The following KLF5 variants were observed in gnomAD, a reference collection of about 807,000 sequenced individuals.
The protein encoded by KLF5 is KLF transcription factor 5.
KLF5 carries 9 observed loss-of-function variants against 36.9 expected under a neutral mutation model. The observed-to-expected ratio is 0.24, with a 90% CI of 0.15 to 0.43. KLF5 has a LOEUF of 0.43. Ranked by LOEUF, KLF5 falls within the 20% of genes least tolerant of loss-of-function variation. The pLI, the probability that KLF5 is intolerant of heterozygous loss-of-function variation, is 1.00. For synonymous variants in KLF5, 246 were observed against 241.7 expected (o/e 1.02, Z -0.17); for missense variants, 524 against 599.5 (o/e 0.87, Z 1.31).
chr13:73,056,924 T>TA (rs1379737055), upstream of KLF5, among the ~76,000 whole-genome samples: 2 of 138,410 alleles, frequency 1.4e-5, no homozygotes, highest in Admixed American at 8.0e-5. Flanking sequence ...ATTAAAAACT[T>TA]AGTTGTATGG....
chr13:73,062,337 A>G lies in KLF5; in HGVS notation c.738A>G (p.Thr246=), dbSNP rs372020759. 1.1e-5 allele frequency: 18 copies of G among 1,614,098 alleles called. No individual in the cohort carries two copies. Among genetic ancestry groups the G allele is most frequent in the East Asian group, 2.2e-5 (1 of 44,902 alleles). Residue 246 remains threonine (T), a synonymous_variant, in exon 2 of 4, where the codon ACA becomes ACG. Coordinates refer to ENST00000377687, the MANE Select transcript of KLF5 (RefSeq NM_001730.5). ...DLDMPSSTNQ[T]AAMDTLNVSM... ...ATATGCCCAGTTCTACAAATCAGAC[A>G]GCAGCAATGGACACTCTTAATGTTT...
intron 3 of KLF5, among the ~76,000 whole-genome samples, chr13:73,069,670 T>C (rs2044708546): frequency 6.6e-6 from 1 of 152,198 alleles, no homozygotes; most frequent in South Asian, 2.1e-4. Flanking sequence ...ACTGGGAAGA[T>C]TAAACTTTGC....
At chr13:73,060,337 C>A (rs1190471102) in intron 1 of KLF5, among the ~76,000 whole-genome samples, 1 of 152,066 alleles carries the variant, frequency 6.6e-6, no homozygotes, top group Non-Finnish European at 1.5e-5. Context: ...AAAAAACTTC[C>A]CGGGACTTTT....
chr13:73,060,932 C>A (rs1292883805), intron 1 of KLF5, among the ~76,000 whole-genome samples: 1 of 152,076 alleles, frequency 6.6e-6, no homozygotes, highest in South Asian at 2.1e-4. Context: ...TTCAGTTTGT[C>A]AATTTTCTGC....
intron 3 of KLF5, among the ~76,000 whole-genome samples, chr13:73,069,579 CT>C (rs899373900): frequency 4.0e-5 from 6 of 151,282 alleles, no homozygotes; most frequent in Admixed American, 3.9e-4. Flanking sequence ...AAAGTAGTAG[CT>C]TAAGAGACTT....
intron 3 of KLF5, among the ~76,000 whole-genome samples, chr13:73,070,078 T>C (rs756236292): frequency 2.6e-5 from 4 of 152,198 alleles, no homozygotes; most frequent in African/African-American, 4.8e-5. Context: ...TCCTAGTCTG[T>C]TAGCCAGTAT....
At position 73,062,610 on chromosome 13, in the gene KLF5, A is replaced by G. The variant is rs771237549; in HGVS notation, c.1011A>G (p.Ala337=). The G allele has an allele frequency of 1.7e-5, 27 of 1,614,102 alleles. No individual in the cohort carries two copies. The African/African-American group carries it at 2.7e-4, about 16-fold the overall frequency. ...CTGCTACAATTGCTTCTAAACTGGC[A>G]ATTCACAATCCAAATTTACCCACCA... ...SYAATIASKL[A]IHNPNLPTTL... The change falls in exon 2 of 4, where the codon GCA becomes GCG. Residue 337 remains alanine (A), a synonymous_variant. Transcript: ENST00000377687.
At chr13:73,075,324 G>A (rs2044751586) in intron 3 of KLF5, among the ~76,000 whole-genome samples, 1 of 152,096 alleles carries the variant, frequency 6.6e-6, no homozygotes. Context: ...GGGTTTGTTG[G>A]TATAGAAACT....
chr13:73,059,596 G>T lies in KLF5; in HGVS notation c.261+8G>T. 8.7e-6 allele frequency: 10 copies of T among 1,153,672 alleles called. No homozygotes were observed. Among genetic ancestry groups the T allele is most frequent in the Non-Finnish European group, 1.1e-5 (10 of 938,904 alleles). 71.5% of individuals were successfully genotyped at this position (1,153,672 alleles called of 1,614,324 possible). A position where few individuals can be genotyped will look rare whatever the true frequency, so the allele number is the denominator to read the frequency against. On this transcript the variant is annotated splice_region_variant and intron_variant, in intron 1 of 3. Transcript: ENST00000377687. ...CCAGAGGACCTGGTCCAGGTAGGAA[G>T]AGCCGCTCCCCTCCCACCGCAGCAC...
chr13:73,061,575 G>T (rs181180947), intron 1 of KLF5, among the ~76,000 whole-genome samples: 1 of 152,316 alleles, frequency 6.6e-6, no homozygotes, highest in East Asian at 1.9e-4. Flanking sequence ...GCATCAGAAT[G>T]GAATGTTTTA....
At chr13:73,066,443 C>T (rs537225659) in intron 3 of KLF5, among the ~76,000 whole-genome samples, 2 of 152,050 alleles carry the variant, frequency 1.3e-5, no homozygotes, top group East Asian at 1.9e-4. Flanking sequence ...CCTCTCGGAC[C>T]GTTGATCAGA....
At chr13:73,064,688 C>T (rs2044666512) in intron 3 of KLF5, among the ~76,000 whole-genome samples, 1 of 152,072 alleles carries the variant, frequency 6.6e-6, no homozygotes, top group Non-Finnish European at 1.5e-5. Flanking sequence ...GGATTACAGG[C>T]CCCCACCACC....
chr13:73,059,376 C>T lies in KLF5; in HGVS notation c.49C>T (p.Gln17Ter). Residue 17 changes from glutamine (Q) to a stop codon, truncating the protein, a stop_gained, in exon 1 of 4, where the codon CAG (glutamine) becomes TAG (stop). Transcript: ENST00000377687. LOFTEE classifies it high-confidence loss of function. ...SMSARLGPVPQPPAPQDEPVF... is the reference protein window; with the variant it reads ...SMSARLGPVP Reference sequence around the variant, plus strand: ...GAGCGCCCGCCTGGGACCCGTGCCCCAGCCGCCGGCGCCGCAGGACGAGCC... The same window carrying T: ...GAGCGCCCGCCTGGGACCCGTGCCCTAGCCGCCGGCGCCGCAGGACGAGCC... 1.4e-6 allele frequency: 2 copies of T among 1,414,228 alleles called. No individual in the cohort carries two copies. The highest frequency in any genetic ancestry group is 1.8e-6 in the Non-Finnish European group (2 of 1,085,008). The allele number at this position is 1,414,228 out of a possible 1,614,324, so 87.6% of individuals were successfully genotyped here. A position where few individuals can be genotyped will look rare whatever the true frequency, so the allele number is the denominator to read the frequency against.
At chr13:73,055,431 C>T (rs1436895037), upstream of KLF5, among the ~76,000 whole-genome samples, 1 of 152,070 alleles carries the variant, frequency 6.6e-6, no homozygotes, top group African/African-American at 2.4e-5. Flanking sequence ...CATATTTTTT[C>T]ATCACAAAAG....
chr13:73,063,972 TCTC>T (rs927909854), intron 3 of KLF5, 89 bp downstream of exon 3: 44 of 676,278 alleles, frequency 6.5e-5, no homozygotes, highest in Admixed American at 3.6e-4. Flanking sequence ...TTTGATCTCT[TCTC>T]CTGTCAACTT....
rs1446219426 is a variant in KLF5, at chr13:73,059,275, G to A, written c.-53G>A. 7.7e-6 allele frequency: 10 copies of A among 1,304,332 alleles called. No homozygotes were observed. The Admixed American group carries it at 1.2e-4, about 16-fold the overall frequency. 80.8% of individuals were successfully genotyped at this position (1,304,332 alleles called of 1,614,324 possible). A position where few individuals can be genotyped will look rare whatever the true frequency, so the allele number is the denominator to read the frequency against. ...AGCTCGCCGACCCAAGCCAGCGTGG[G>A]CGAGGTGGGAAGTGCGCCCGACCCG... On this transcript the variant is annotated 5_prime_UTR_variant, in exon 1 of 4. Transcript: ENST00000377687.
At chr13:73,055,332 G>A (rs557520875), upstream of KLF5, among the ~76,000 whole-genome samples, 4 of 152,236 alleles carry the variant, frequency 2.6e-5, no homozygotes, top group East Asian at 7.7e-4. Context: ...CTGGAGGCAA[G>A]AGACATTACA....
chr13:73,074,952 A>G (rs1226272553), intron 3 of KLF5: 1 of 152,146 alleles, frequency 6.6e-6, no homozygotes, highest in Non-Finnish European at 1.5e-5. Context: ...ACAAAGAAAA[A>G]CTAAATACAA....
chr13:73,059,840 G>C, intron 1 of KLF5: 1 of 961,254 alleles, frequency 1.0e-6, no homozygotes, highest in Middle Eastern at 5.3e-4. Flanking sequence ...CCTGGGAGAG[G>C]TAAGAGGGAG....
Sources: allele counts gnomAD v4.1 joint callset (sites outside exome capture counted in the v4.1 genomes callset), GRCh38; gene constraint gnomAD v4.1.1; transcripts MANE v1.5; gene names NCBI Gene and HGNC (gene_info 2026-07-23, HGNC 2026-07-21).